The following KLHL22 variants were observed in gnomAD, a reference collection of about 807,000 sequenced individuals.
The protein encoded by KLHL22 is kelch-like protein 22.
A neutral mutation model predicts 60.7 loss-of-function variants in KLHL22; 18 were observed. The ratio of observed to expected loss-of-function variants is 0.30; its 90% CI spans 0.20 to 0.44. KLHL22 has a LOEUF of 0.44. Among genes scored for constraint, KLHL22 ranks in the 20% least tolerant of loss-of-function variants. The pLI is 1.00. For missense variants in KLHL22, 596 were observed against 852.3 expected (o/e 0.70, Z 3.74); for synonymous variants, 355 against 354.5 (o/e 1.00, Z -0.01).
chr22:20,475,882 C>A lies in KLHL22; in HGVS notation c.228-4367G>T, dbSNP rs190563910. Among the ~76,000 whole-genome samples, 37 of 152,298 alleles carry A rather than the reference C, an allele frequency of 2.4e-4. No individual in the cohort carries two copies. The East Asian group carries it at 6.9e-3, about 29-fold the overall frequency. On this transcript the variant is annotated intron_variant, in intron 2 of 6. Coordinates refer to ENST00000328879, the MANE Select transcript of KLHL22 (RefSeq NM_032775.4). ...CAGCCCCTTCCTCTAATTTTTGAGG[C>A]TATCTTTATCACATAGGACAGGAAT...
At chr22:20,452,295 C>T (rs890386633) in intron 5 of KLHL22, among the ~76,000 whole-genome samples, 6 of 151,372 alleles carry the variant, frequency 4.0e-5, no homozygotes, top group African/African-American at 1.5e-4. Context: ...ATTTTCTAAT[C>T]TACAGGTAGC....
chr22:20,444,290 T>A (rs2052819456), intron 6 of KLHL22, among the ~76,000 whole-genome samples: 2 of 152,020 alleles, frequency 1.3e-5, no homozygotes, highest in Non-Finnish European at 1.5e-5. Context: ...CCCACTAGGG[T>A]CTCCACAAAG....
intron 5 of KLHL22, among the ~76,000 whole-genome samples, chr22:20,449,002 C>A (rs1223626465): frequency 6.6e-6 from 1 of 152,170 alleles, no homozygotes; most frequent in Admixed American, 6.5e-5. Flanking sequence ...TATACATCCT[C>A]TTCAGTGAAA....
intron 2 of KLHL22, among the ~76,000 whole-genome samples, chr22:20,486,569 C>T (rs1367894832): frequency 6.6e-6 from 1 of 152,160 alleles, no homozygotes; most frequent in Non-Finnish European, 1.5e-5. Context: ...AAGCCTCTCA[C>T]ACATATTTAC....
intron 5 of KLHL22, among the ~76,000 whole-genome samples, chr22:20,452,198 G>A (rs2052990656): frequency 6.6e-6 from 1 of 151,310 alleles, no homozygotes; most frequent in Non-Finnish European, 1.5e-5. Flanking sequence ...CTAGATGTGA[G>A]CAATATCCAG....
At chr22:20,450,816 A>G (rs1234834394) in intron 5 of KLHL22, 17 of 1,506,694 alleles carry the variant, frequency 1.1e-5, no homozygotes, top group African/African-American at 1.1e-4. Flanking sequence ...GGTATATCAC[A>G]GATGTAATAG....
intron 5 of KLHL22, among the ~76,000 whole-genome samples, chr22:20,454,859 A>G (rs913595971): frequency 3.9e-5 from 6 of 151,912 alleles, no homozygotes; most frequent in Non-Finnish European, 7.4e-5. Context: ...CAGTGTACCA[A>G]TCCTGTGAGG....
intron 3 of KLHL22, among the ~76,000 whole-genome samples, chr22:20,470,680 GTGGATGGATGGA>G (rs538204093): frequency 2.7e-5 from 4 of 149,498 alleles, no homozygotes; most frequent in African/African-American, 4.9e-5. Context: ...GGATGGATGG[GTGGATGGATGGA>G]TGGATGGATG....
At chr22:20,468,078 G>C (rs761640466) in intron 3 of KLHL22, among the ~76,000 whole-genome samples, 63 of 151,322 alleles carry the variant, frequency 4.2e-4, no homozygotes, top group Non-Finnish European at 8.1e-4. Flanking sequence ...ATGTCAGGCA[G>C]GTATGTGCCC....
chr22:20,474,567 T>G (rs895253668), intron 2 of KLHL22, among the ~76,000 whole-genome samples: 2 of 152,006 alleles, frequency 1.3e-5, no homozygotes, highest in Admixed American at 1.3e-4. Context: ...AATTTTTGTA[T>G]TTTTAGTAGA....
intron 1 of KLHL22, chr22:20,491,544 C>T (rs2053690953): frequency 6.6e-6 from 1 of 152,098 alleles, no homozygotes; most frequent in African/African-American, 2.4e-5. Context: ...ATATATTTCA[C>T]AATATCACAG....
intron 5 of KLHL22, among the ~76,000 whole-genome samples, chr22:20,454,734 G>T (rs539378028): frequency 4.3e-4 from 66 of 152,210 alleles, no homozygotes; most frequent in African/African-American, 1.5e-3. Flanking sequence ...TTATTAATTG[G>T]GTTGGGAAAG....
chr22:20,449,973 G>A (rs771813157), intron 5 of KLHL22: 4 of 548,238 alleles, frequency 7.3e-6, no homozygotes, highest in East Asian at 3.3e-5. Context: ...CGGCGGCGGC[G>A]ACGCTTCGGC....
intron 5 of KLHL22, chr22:20,451,157 A>C (rs2052971138): frequency 6.3e-7 from 1 of 1,582,008 alleles, no homozygotes; most frequent in Non-Finnish European, 8.7e-7. Flanking sequence ...AGTTCAGTGG[A>C]ATGTCTAGAC....
intron 2 of KLHL22, among the ~76,000 whole-genome samples, chr22:20,480,209 G>C (rs1332669653): frequency 6.6e-6 from 1 of 152,176 alleles, no homozygotes; most frequent in Non-Finnish European, 1.5e-5. Context: ...AAGGAGAAAA[G>C]GGAGTTGTGG....
intron 4 of KLHL22, among the ~76,000 whole-genome samples, chr22:20,458,593 TC>T (rs2053104114): frequency 1.3e-5 from 2 of 151,638 alleles, no homozygotes; most frequent in Admixed American, 6.6e-5. Context: ...ATAGCCTTGC[TC>T]CCACTCAGGA....
At chr22:20,445,773 G>GT (rs544497659) in intron 6 of KLHL22, among the ~76,000 whole-genome samples, 69 of 149,834 alleles carry the variant, frequency 4.6e-4, no homozygotes, top group South Asian at 1.1e-3. Context: ...GTTTTTTTTT[G>GT]TTTTTTTTGA....
chr22:20,483,020 T>C, intron 2 of KLHL22: 1 of 681,008 alleles, frequency 1.5e-6, no homozygotes, highest in Non-Finnish European at 2.7e-6. Context: ...CAGGGCGTCC[T>C]ACTCCTAGGC....
At chr22:20,471,650 T>G (rs2053329009) in intron 2 of KLHL22, 135 bp from the exon 3 acceptor site, 1 of 854,550 alleles carries the variant, frequency 1.2e-6, no homozygotes, top group Admixed American at 2.3e-5. Context: ...CACTCTGTGC[T>G]CTGAGTGAAC....
Sources: gnomAD v4.1 joint callset for allele counts (sites outside exome capture counted in the v4.1 genomes callset) on GRCh38, gnomAD v4.1.1 for gene constraint, MANE v1.5 for transcripts, NCBI Gene and HGNC (gene_info 2026-07-23, HGNC 2026-07-21) for gene names.